The following DNMT3A variants were observed in gnomAD, a reference collection of about 807,000 sequenced individuals.
DNMT3A encodes DNA (cytosine-5)-methyltransferase 3A.
In DNMT3A, 267 loss-of-function variants were observed where a neutral mutation model predicts 117.6. That is an observed-to-expected ratio of 2.27 (90% confidence interval 2.05 to 2.51). The LOEUF is 2.51. DNMT3A is among the 30% of genes most tolerant of loss of function. DNMT3A has a pLI of 0.00. For synonymous variants in DNMT3A, 432 were observed against 474.8 expected (o/e 0.91, Z 1.17); for missense variants, 1,029 against 1,260.2 (o/e 0.82, Z 2.78).
chr2:25,314,108 C>G lies in DNMT3A; in HGVS notation c.-124G>C. On this transcript the variant is annotated 5_prime_UTR_variant, in exon 2 of 23. Coordinates refer to ENST00000321117, the MANE Select transcript of DNMT3A (RefSeq NM_022552.5). ...TAAACATAGATCCCGGTGTTGAGCC[C>G]TCTGGTGAACGGTGCCTCTGTCAGC... 7.0e-7 allele frequency: 1 copy of G among 1,431,790 alleles called. No individual in the cohort carries two copies. The highest frequency in any genetic ancestry group is 9.1e-7 in the Non-Finnish European group (1 of 1,095,508). The allele number at this position is 1,431,790 out of a possible 1,614,324, so 88.7% of individuals were successfully genotyped here. A position where few individuals can be genotyped will look rare whatever the true frequency, so the allele number is the denominator to read the frequency against.
In DNMT3A at chr2:25,234,973, AGAG is replaced by A. The variant is rs578133971; in HGVS notation, c.2598-556_2598-554del. Among the ~76,000 whole-genome samples, 29 of 152,286 alleles carry A rather than the reference AGAG, an allele frequency of 1.9e-4. No individual in the cohort carries two copies. The South Asian group carries it at 5.6e-3, about 29-fold the overall frequency. On this transcript the variant is annotated intron_variant, in intron 22 of 22. Transcript: ENST00000321117. This position sits in a 1 kb window ranked among gnomAD's most constrained non-coding sequence, Gnocchi z 4.5. ...GTCTGGCTAAATCCTAGTTACACTC[AGAG>A]AACAAGAAGGTCATCCAGCCCCGAA...
At chr2:25,283,833 G>GCTCCTCACTTACTAC (rs1388188440) in intron 3 of DNMT3A, among the ~76,000 whole-genome samples, 5 of 152,304 alleles carry the variant, frequency 3.3e-5, no homozygotes, top group African/African-American at 1.2e-4. Context: ...AGTGGACAAA[G>GCTCCTCACTTACTAC]CTCCTCACTT....
At position 25,248,122 on chromosome 2, in the gene DNMT3A, G is replaced by T. The variant is rs746751589; in HGVS notation, c.770C>A (p.Thr257Asn). 1 of 1,613,744 alleles carries T rather than the reference G, an allele frequency of 6.2e-7. No individual in the cohort carries two copies. Among genetic ancestry groups the T allele is most frequent in the South Asian group, 1.1e-5 (1 of 91,056 alleles). The change falls in exon 7 of 23, where the codon ACT becomes AAT. Residue 257 changes from threonine (T) to asparagine (N), a missense_variant. Coordinates refer to ENST00000321117, the MANE Select transcript of DNMT3A (RefSeq NM_022552.5). Reference sequence around the variant, plus strand: ...CACGGGCTCAGGCGTGGTAGCCACAGTGGGGGATGCGGGGTCAGTGGGCTG... The same window carrying T: ...CACGGGCTCAGGCGTGGTAGCCACATTGGGGGATGCGGGGTCAGTGGGCTG... ...VQQPTDPASP[T>N]VATTPEPVGS...
rs1040053651 is a variant in DNMT3A, at chr2:25,244,312, A to G, written c.1694T>C (p.Leu565Pro). The G allele has an allele frequency of 1.2e-6, 2 of 1,610,342 alleles. No homozygotes were observed. The highest frequency in any genetic ancestry group is 1.7e-6 in the Non-Finnish European group (2 of 1,178,528). ...CTGGGCAGCCCCCGGCCCCACCAAG[A>G]GGTCCACACACTCCACGCAAAAGCA... is the stretch of plus-strand genomic sequence containing the variant. ...CRCFCVECVD[L>P]LVGPGAAQAA... The change falls in exon 15 of 23, where the codon CTC (leucine) becomes CCC (proline). Residue 565 changes from leucine to proline, a missense_variant. Coordinates refer to ENST00000321117, the MANE Select transcript of DNMT3A (RefSeq NM_022552.5).
chr2:25,244,463 G>A (rs1362952039), intron 14 of DNMT3A, 77 bp downstream of exon 14: 3 of 1,584,504 alleles, frequency 1.9e-6, no homozygotes, highest in Middle Eastern at 1.7e-4. Flanking sequence ...TGTGGGGAAG[G>A]GAGAGGAGGG....
chr2:25,245,363 T>C (rs1310270263), intron 12 of DNMT3A, 31 bp from the exon 13 acceptor site: 2 of 1,599,400 alleles, frequency 1.3e-6, no homozygotes, highest in South Asian at 2.2e-5. Context: ...ATGGGGTGAG[T>C]ACCACCGAAG....
chr2:25,246,967 C>T, intron 9 of DNMT3A, 84 bp downstream of exon 9: 1 of 1,521,964 alleles, frequency 6.6e-7, no homozygotes, highest in South Asian at 1.2e-5. Flanking sequence ...GGCCTCCGTT[C>T]TGCTCAAGCC....
intron 6 of DNMT3A, among the ~76,000 whole-genome samples, chr2:25,272,743 A>G (rs890210605): frequency 2.6e-5 from 4 of 151,758 alleles, no homozygotes; most frequent in African/African-American, 7.3e-5. Flanking sequence ...GCCTTCCTGG[A>G]TCCCAGAGGA....
intron 6 of DNMT3A, among the ~76,000 whole-genome samples, chr2:25,260,598 C>T (rs1267625994): frequency 6.6e-6 from 1 of 152,156 alleles, no homozygotes; most frequent in African/African-American, 2.4e-5. Flanking sequence ...ATTTATACTG[C>T]CCACCATTCA....
At chr2:25,284,389 A>C (rs1024526275) in intron 3 of DNMT3A, among the ~76,000 whole-genome samples, 5 of 152,116 alleles carry the variant, frequency 3.3e-5, no homozygotes, top group Non-Finnish European at 7.4e-5. Context: ...GCTTACGCCT[A>C]TAATCCTAGC....
rs965979280 is a variant in DNMT3A, at chr2:25,230,843, C to T, written c.*3436G>A. 1 of 141,696 alleles carries T rather than the reference C, an allele frequency of 7.1e-6. No individual in the cohort carries two copies. The highest frequency in any genetic ancestry group is 1.5e-5 in the Non-Finnish European group (1 of 66,928). 8.8% of individuals were successfully genotyped at this position (141,696 alleles called of 1,614,324 possible). ...TGGGGCATCTGGTCCATTCTAGGGC[C>T]TGGTCAAGTGGCTAGATCTGGAGGA... On this transcript the variant is annotated 3_prime_UTR_variant, in exon 23 of 23. Coordinates refer to ENST00000321117, the MANE Select transcript of DNMT3A (RefSeq NM_022552.5).
chr2:25,319,313 G>C (rs982824559), intron 1 of DNMT3A, among the ~76,000 whole-genome samples: 2 of 151,616 alleles, frequency 1.3e-5, no homozygotes, highest in African/African-American at 4.8e-5. Context: ...CACGCCCGGG[G>C]TCTTTTTTTT....
chr2:25,267,993 T>G (rs1276547962), intron 6 of DNMT3A, among the ~76,000 whole-genome samples: 1 of 152,092 alleles, frequency 6.6e-6, no homozygotes, highest in Non-Finnish European at 1.5e-5. Flanking sequence ...AGTGGGACCT[T>G]TCTTAAGGCA....
At chr2:25,341,269 C>T (rs2035432648) in intron 1 of DNMT3A, among the ~76,000 whole-genome samples, 1 of 144,592 alleles carries the variant, frequency 6.9e-6, no homozygotes, top group Admixed American at 6.8e-5. Context: ...GCCGCCGCCG[C>T]GGAGCCTGCG....
rs372315365 is a variant in DNMT3A at position 25,245,222 on chromosome 2, C to G, written c.1554+31G>C. 4 of 1,608,020 alleles carry G rather than the reference C, an allele frequency of 2.5e-6. No homozygotes were observed. The African/African-American group carries it at 5.3e-5, about 21-fold the overall frequency. On this transcript the variant is annotated intron_variant, in intron 13 of 22. Transcript: ENST00000321117. Reference sequence around the variant, plus strand: ...CAGAAGGCCGAAGGGCCGGCCTCAACGGCACCTCTCCTGGGTGGGTGTGCT... The same window carrying G: ...CAGAAGGCCGAAGGGCCGGCCTCAAGGGCACCTCTCCTGGGTGGGTGTGCT...
rs903571295 is a variant in DNMT3A, at chr2:25,247,916, G to A, written c.855+121C>T. 1.2e-5 allele frequency: 18 copies of A among 1,518,986 alleles called. No homozygotes were observed. Among genetic ancestry groups the A allele is most frequent in the African/African-American group, 2.8e-5 (2 of 71,844 alleles). The allele number at this position is 1,518,986 out of a possible 1,614,324, so 94.1% of individuals were successfully genotyped here. ...CAAAATCGGGGAGACGAAGAGGCCC[G>A]GGGTCAGGTGGAGAGAGCGAGCGGC... On this transcript the variant is annotated intron_variant, in intron 7 of 22. Coordinates refer to ENST00000321117, the MANE Select transcript of DNMT3A (RefSeq NM_022552.5). The surrounding 1 kb of genome is among the most constrained non-coding windows in gnomAD (Gnocchi z 5.6).
chr2:25,239,132 GT>G lies in DNMT3A; in HGVS notation c.2405del (p.Asn802ThrfsTer8), dbSNP rs1673687109. On this transcript the variant is annotated frameshift_variant, in exon 20 of 23. Transcript: ENST00000321117. LOFTEE classifies it high-confidence loss of function. The stretch of plus-strand genomic sequence containing the variant: ...CAGGCCCAGGAGCTTTCACCAACCT[GT>G]TCATACCGGGAAGGTTACCCCAGAA... ...RYFWGNLPGMNRPLASTVNDK... is the reference protein window; with the variant it reads ...RYFWGNLPGMXRPLASTVNDK... 1 of 1,613,874 alleles carries G rather than the reference GT, an allele frequency of 6.2e-7. No homozygotes were observed. Among genetic ancestry groups the G allele is most frequent in the African/African-American group, 1.3e-5 (1 of 75,014 alleles).
chr2:25,335,069 CA>C (rs1453187915), intron 1 of DNMT3A, among the ~76,000 whole-genome samples: 1 of 152,112 alleles, frequency 6.6e-6, no homozygotes, highest in Non-Finnish European at 1.5e-5. Context: ...CATGCATGTG[CA>C]AACCTAAACA....
chr2:25,330,285 C>A (rs989502748), intron 1 of DNMT3A, among the ~76,000 whole-genome samples: 1 of 152,246 alleles, frequency 6.6e-6, no homozygotes, highest in Non-Finnish European at 1.5e-5. Context: ...AGTCCTGCAG[C>A]ATGGCTGCTT....
Sources: gnomAD v4.1 joint callset for allele counts (sites outside exome capture counted in the v4.1 genomes callset) on GRCh38, gnomAD v4.1.1 for gene constraint, Gnocchi (gnomAD v3.1) non-coding constraint, MANE v1.5 for transcripts, NCBI Gene and HGNC (gene_info 2026-07-23, HGNC 2026-07-21) for gene names.